MCM2: variants seen among roughly 807,000 people sequenced by gnomAD.
The protein encoded by MCM2 is DNA replication licensing factor MCM2.
A neutral mutation model predicts 86.4 loss-of-function variants in MCM2; 49 were observed. That is an observed-to-expected ratio of 0.57 (90% confidence interval 0.45 to 0.72). The LOEUF (loss-of-function observed/expected upper bound fraction) is 0.72, where lower values mean the gene tolerates loss of function less well. MCM2 is among the 30% of genes least tolerant of loss of function. The pLI, the probability that MCM2 is intolerant of heterozygous loss-of-function variation, is 0.00. For synonymous variants in MCM2, 475 were observed against 484.6 expected, an observed-to-expected ratio of 0.98 and a Z score of 0.26; for missense variants, 1,038 against 1,259.9, an observed-to-expected ratio of 0.82 and a Z score of 2.67.
chr3:127,608,384 CATCT>C lies in MCM2; in HGVS notation c.1108_1111del (p.Tyr370ArgfsTer42). 1.2e-6 allele frequency: 2 copies of C among 1,614,164 alleles called. No homozygotes were observed. Among genetic ancestry groups the C allele is most frequent in the South Asian group, 2.2e-5 (2 of 91,086 alleles). On this transcript the variant is annotated frameshift_variant, in exon 7 of 16. Coordinates refer to ENST00000265056, the MANE Select transcript of MCM2 (RefSeq NM_004526.4). LOFTEE classifies it high-confidence loss of function. ...GGCCTTCTGTGTGTCCCTCGCAGAC[CATCT>C]ATCAGAACTACCAGCGTATCCGAAT...
Position 127,616,056 on chromosome 3 carries a change from G to A in MCM2, c.1522+101G>A, listed in dbSNP as rs17538656. 7.8e-4 allele frequency: 730 copies of A among 936,716 alleles called. 2 individuals carry two copies. The African/African-American group carries it at 9.9e-3, about 13-fold the overall frequency. The allele number at this position is 936,716 out of a possible 1,614,324, so 58.0% of individuals were successfully genotyped here. A position where few individuals can be genotyped will look rare whatever the true frequency, so the allele number is the denominator to read the frequency against. ...GTGTTTTTAAAGCCTGGGTGCTGGG[G>A]AGAAAGAATGCATTAAAAGATGGTC... On this transcript the variant is annotated intron_variant, in intron 9 of 15. Transcript: ENST00000265056.
intron 7 of MCM2, 66 bp from the exon 8 acceptor site, chr3:127,608,766 G>A (rs1323330274): frequency 1.8e-5 from 27 of 1,519,960 alleles, no homozygotes; most frequent in Non-Finnish European, 2.3e-5. Context: ...GAAACTGGAG[G>A]AAGGCAGCAC....
Position 127,619,123 on chromosome 3 carries a change from C to T in MCM2, c.2110C>T (p.Pro704Ser), listed in dbSNP as rs1208071447. The T allele has an allele frequency of 6.2e-7, 1 of 1,613,922 alleles. No individual in the cohort carries two copies. The highest frequency in any genetic ancestry group is 1.1e-5 in the South Asian group (1 of 91,078). Residue 704 changes from proline (P) to serine (S), a missense_variant, in exon 13 of 16, where the codon CCC becomes TCC. This residue lies in a region of MCM2 where 336 missense variants were observed against 425.7 expected (regional missense o/e 0.79). Transcript: ENST00000265056. ...GCTGGCCAATGGCAGCGCTGCTGAG[C>T]CCGCCATGCCCAACACGTATGGCGT... ...EGLANGSAAE[P>S]AMPNTYGVEP...
At position 127,606,664 on chromosome 3, in the gene MCM2, T is replaced by C; in HGVS notation, c.948T>C (p.Thr316=). ...CCAGTGGGGTGGTGACCAGCTGCAC[T>C]GGCGTCCTGCCCCAGCTCAGCATGG... is the stretch of plus-strand genomic sequence containing the variant. ...IRTSGVVTSC[T]GVLPQLSMVK... The change falls in exon 6 of 16, where the codon ACT becomes ACC. Residue 316 remains threonine, a synonymous_variant. Transcript: ENST00000265056. The surrounding 1 kb of genome is among the most constrained non-coding windows in gnomAD (Gnocchi z 4.2). 6.2e-7 allele frequency: 1 copy of C among 1,614,216 alleles called. No homozygotes were observed.
At chr3:127,616,369 C>T (rs1288673463) in intron 9 of MCM2, among the ~76,000 whole-genome samples, 2 of 152,162 alleles carry the variant, frequency 1.3e-5, no homozygotes, top group African/African-American at 4.8e-5. Flanking sequence ...CTAGTCCCTC[C>T]CTTTGTGGCC....
At position 127,617,062 on chromosome 3, in the gene MCM2, G is replaced by T. The variant is rs751854368; in HGVS notation, c.1717G>T (p.Ala573Ser). 3 of 1,614,120 alleles carry T rather than the reference G, an allele frequency of 1.9e-6. No homozygotes were observed. The African/African-American group carries it at 4.0e-5, about 22-fold the overall frequency. Residue 573 changes from alanine (A) to serine (S), a missense_variant, in exon 10 of 16, where the codon GCT becomes TCT. Physicochemically the swap from Ala to Ser is moderately conservative, Grantham distance 99. Coordinates refer to ENST00000265056, the MANE Select transcript of MCM2 (RefSeq NM_004526.4). This position sits in a 1 kb window ranked among gnomAD's most constrained non-coding sequence, Gnocchi z 4.1. ...TGTCAGCAGGGAGTGGACCTTGGAGGCTGGGGCCCTGGTTCTGGCTGACCG... is the reference window on the plus strand; with the variant it reads ...TGTCAGCAGGGAGTGGACCTTGGAGTCTGGGGCCCTGGTTCTGGCTGACCG... Reference protein sequence around the residue: ...HPVSREWTLEAGALVLADRGV... With the variant: ...HPVSREWTLESGALVLADRGV...
chr3:127,605,806 CTG>C (rs2074342827), intron 4 of MCM2, among the ~76,000 whole-genome samples: 1 of 152,090 alleles, frequency 6.6e-6, no homozygotes, highest in African/African-American at 2.4e-5. Context: ...GCTTTTTGTC[CTG>C]TGTTTGTCAG....
At position 127,615,974 on chromosome 3, in the gene MCM2, T is replaced by G. The variant is rs1437118714; in HGVS notation, c.1522+19T>G. 6.3e-7 allele frequency: 1 copy of G among 1,590,202 alleles called. No homozygotes were observed. The highest frequency in any genetic ancestry group is 8.6e-7 in the Non-Finnish European group (1 of 1,158,476). On this transcript the variant is annotated intron_variant, in intron 9 of 15. Coordinates refer to ENST00000265056, the MANE Select transcript of MCM2 (RefSeq NM_004526.4). Reference sequence around the variant, plus strand: ...AACCCAGGTGAGCACCCACCTTTCCTCTGCAGGGGTGTTAGCAGCTTTCTC... The same window carrying G: ...AACCCAGGTGAGCACCCACCTTTCCGCTGCAGGGGTGTTAGCAGCTTTCTC...
chr3:127,603,097 C>T lies in MCM2; in HGVS notation c.237-1511C>T, dbSNP rs564404050. On this transcript the variant is annotated intron_variant, in intron 2 of 15. Transcript: ENST00000265056. ...TGTGATCTCGGCTCACTGCAACCTC[C>T]GAAAGTGATTCTCCTGCCTCAGCTT... Among the ~76,000 whole-genome samples the T allele has an allele frequency of 1.2e-4, 17 of 140,904 alleles. No individual in the cohort carries two copies. In the South Asian group the frequency reaches 3.0e-3, roughly 25 times the overall value. 92.4% of individuals were successfully genotyped at this position (140,904 alleles called of 152,430 possible). A position where few individuals can be genotyped will look rare whatever the true frequency, so the allele number is the denominator to read the frequency against.
chr3:127,608,236 T>A, intron 6 of MCM2, 146 bp from the exon 7 acceptor site: 2 of 972,718 alleles, frequency 2.1e-6, no homozygotes, highest in Non-Finnish European at 3.2e-6. Flanking sequence ...ATGTGCTGAG[T>A]CGCCATGAAC....
At chr3:127,610,559 A>C (rs1442556621) in intron 8 of MCM2, among the ~76,000 whole-genome samples, 3 of 152,006 alleles carry the variant, frequency 2.0e-5, no homozygotes, top group Non-Finnish European at 1.5e-5. Flanking sequence ...TCTGCCTGCC[A>C]CTTAATATTC....
At chr3:127,613,009 A>G (rs2074410414) in intron 8 of MCM2, among the ~76,000 whole-genome samples, 1 of 152,196 alleles carries the variant, frequency 6.6e-6, no homozygotes, top group African/African-American at 2.4e-5. Context: ...CCAGCCATTA[A>G]ATTAGCCTGC....
At position 127,621,687 on chromosome 3, in the gene MCM2, C is replaced by T. The variant is rs1209016189; in HGVS notation, c.2629C>T (p.Leu877Phe). The T allele has an allele frequency of 6.2e-7, 1 of 1,613,966 alleles. No individual in the cohort carries two copies. ...GGCTCGTCAGATCAACATCCACAAC[C>T]TCTCTGCATTTTATGACAGTGAGCT... ...DKARQINIHN[L>F]SAFYDSELFR... is the part of the protein sequence containing the mutation. The change falls in exon 16 of 16, where the codon CTC (leucine) becomes TTC (phenylalanine). Residue 877 changes from leucine (L) to phenylalanine (F), a missense_variant. Physicochemically the swap from Leu to Phe is conservative, Grantham distance 22 (BLOSUM62 0). Around this residue, in one of 4 missense-constraint regions of MCM2, gnomAD observed 336 missense variants for 425.7 expected, o/e 0.79. Transcript: ENST00000265056.
At chr3:127,615,407 A>C (rs528547832) in intron 8 of MCM2, among the ~76,000 whole-genome samples, 1 of 152,228 alleles carries the variant, frequency 6.6e-6, no homozygotes, top group African/African-American at 2.4e-5. Flanking sequence ...CACATCTCCC[A>C]GATGTGCCAC....
At chr3:127,601,595 AC>A (rs1437031677) in intron 2 of MCM2, among the ~76,000 whole-genome samples, 1 of 152,070 alleles carries the variant, frequency 6.6e-6, no homozygotes, top group Non-Finnish European at 1.5e-5. Flanking sequence ...TGAACCCCTG[AC>A]CTCAGGTGAT....
At position 127,618,912 on chromosome 3, in the gene MCM2, G is replaced by A. The variant is rs1298440722; in HGVS notation, c.2014-115G>A. On this transcript the variant is annotated intron_variant, in intron 12 of 15. Coordinates refer to ENST00000265056, the MANE Select transcript of MCM2 (RefSeq NM_004526.4). The surrounding 1 kb of genome is among the most constrained non-coding windows in gnomAD (Gnocchi z 4.0). The stretch of plus-strand genomic sequence containing the variant: ...GCCTGGCACATGGTCAGTGTAGTCA[G>A]TCTTGTTGAAAGAGTGTCACCCTTG... The A allele has an allele frequency of 2.4e-6, 3 of 1,227,840 alleles. No individual in the cohort carries two copies. The highest frequency in any genetic ancestry group is 3.3e-6 in the Non-Finnish European group (3 of 906,408). 76.1% of individuals were successfully genotyped at this position (1,227,840 alleles called of 1,614,324 possible). A position where few individuals can be genotyped will look rare whatever the true frequency, so the allele number is the denominator to read the frequency against.
rs201515306 is a variant in MCM2, at chr3:127,606,168, C to A, written c.724C>A (p.His242Asn). The A allele has an allele frequency of 3.1e-6, 5 of 1,614,226 alleles. No individual in the cohort carries two copies. The highest frequency in any genetic ancestry group is 4.2e-6 in the Non-Finnish European group (5 of 1,180,042). ...CTATGAGGACTTGGCAGCCAGGGAG[C>A]ACGTGCTGGCCTACTTCCTGCCTGA... ...VNYEDLAAREHVLAYFLPEAP... is the reference protein window; with the variant it reads ...VNYEDLAARENVLAYFLPEAP... The change falls in exon 5 of 16, where the codon CAC (histidine) becomes AAC (asparagine). Residue 242 changes from histidine (H) to asparagine (N), a missense_variant. This residue lies in a region of MCM2 where 399 missense variants were observed against 507.2 expected (regional missense o/e 0.79). Transcript: ENST00000265056. This position sits in a 1 kb window ranked among gnomAD's most constrained non-coding sequence, Gnocchi z 4.2.
rs2074442580 is a variant in MCM2 at position 127,617,496 on chromosome 3, C to T, written c.1900+91C>T. 34 of 1,455,218 alleles carry T rather than the reference C, an allele frequency of 2.3e-5. No individual in the cohort carries two copies. The highest frequency in any genetic ancestry group is 3.0e-5 in the Non-Finnish European group (33 of 1,091,480). 90.1% of individuals were successfully genotyped at this position (1,455,218 alleles called of 1,614,324 possible). A position where few individuals can be genotyped will look rare whatever the true frequency, so the allele number is the denominator to read the frequency against. On this transcript the variant is annotated intron_variant, in intron 11 of 15. Transcript: ENST00000265056. This position sits in a 1 kb window ranked among gnomAD's most constrained non-coding sequence, Gnocchi z 4.1. ...GGGAGCCCACGGGGTCCCCAGGAGCCGATCTGAGGAAGTCATTGTGCAGCA... is the reference window on the plus strand; with the variant it reads ...GGGAGCCCACGGGGTCCCCAGGAGCTGATCTGAGGAAGTCATTGTGCAGCA...
At chr3:127,608,749 A>T in intron 7 of MCM2, 83 bp from the exon 8 acceptor site, 1 of 1,423,092 alleles carries the variant, frequency 7.0e-7, no homozygotes, top group Non-Finnish European at 9.8e-7. Context: ...GAGCACTTGC[A>T]ATAGGAGAAA....
Sources: gnomAD v4.1 joint callset for allele counts (sites outside exome capture counted in the v4.1 genomes callset) on GRCh38, gnomAD v4.1.1 for gene constraint, gnomAD v4.1.1 regional missense constraint, Gnocchi (gnomAD v3.1) non-coding constraint, MANE v1.5 for transcripts, NCBI Gene and HGNC (gene_info 2026-07-23, HGNC 2026-07-21) for gene names.